DNAH11: variants seen among roughly 807,000 people sequenced by gnomAD.
The protein encoded by DNAH11 is axonemal beta dynein heavy chain 11.
Under a neutral mutation model 526.0 loss-of-function variants are expected in DNAH11, and 442 were observed. The ratio of observed to expected loss-of-function variants is 0.84; its 90% CI spans 0.78 to 0.91. The LOEUF is 0.91. DNAH11 is among the 40% of genes least tolerant of loss of function. DNAH11 has a pLI of 0.00. For missense variants in DNAH11, 6,989 were observed against 5,448.7 expected (o/e 1.28, Z -8.90); for synonymous variants, 2,461 against 1,935.9 (o/e 1.27, Z -7.12).
intron 65 of DNAH11, among the ~76,000 whole-genome samples, chr7:21,838,608 G>A (rs962213558): frequency 3.3e-5 from 5 of 152,126 alleles, no homozygotes; most frequent in Admixed American, 6.5e-5. Flanking sequence ...GGTTTCATTT[G>A]TGTCGTAGCA....
chr7:21,789,200 A>G (rs1003205028), intron 60 of DNAH11, 41 bp from the exon 61 acceptor site: 3 of 1,380,064 alleles, frequency 2.2e-6, no homozygotes, highest in Non-Finnish European at 3.0e-6. Context: ...TTGAATGATT[A>G]CTTATCCTCT....
In DNAH11 at chr7:21,807,996, C is replaced by T; in HGVS notation, c.10279C>T (p.Gln3427Ter). The stretch of plus-strand genomic sequence containing the variant: ...GTCTTACGTCGGACCCTTCACAAGG[C>T]AGTATCGCCAGGAGCTGGTGCACTG... ...FVSYVGPFTRQYRQELVHCKW... is the reference protein window; with the variant it reads ...FVSYVGPFTR Residue 3427 changes from glutamine (Q) to a stop codon, truncating the protein, a stop_gained, in exon 63 of 82, where the codon CAG becomes TAG. Coordinates refer to ENST00000409508, the MANE Select transcript of DNAH11 (RefSeq NM_001277115.2). LOFTEE classifies it high-confidence loss of function. The T allele has an allele frequency of 6.3e-7, 1 of 1,589,458 alleles. No individual in the cohort carries two copies. Among genetic ancestry groups the T allele is most frequent in the Non-Finnish European group, 8.6e-7 (1 of 1,163,730 alleles).
At chr7:21,663,401 A>T (rs924859981) in intron 30 of DNAH11, among the ~76,000 whole-genome samples, 6 of 152,090 alleles carry the variant, frequency 3.9e-5, no homozygotes, top group African/African-American at 1.4e-4. Flanking sequence ...AAATCTCCAT[A>T]CTGTTTTCCA....
At chr7:21,841,748 T>A (rs1247960570) in intron 65 of DNAH11, among the ~76,000 whole-genome samples, 1 of 152,010 alleles carries the variant, frequency 6.6e-6, no homozygotes, top group Non-Finnish European at 1.5e-5. Context: ...AATGAATGAG[T>A]GAATACAAAC....
intron 81 of DNAH11, 26 bp from the exon 82 acceptor site, chr7:21,900,981 T>C (rs376080177): frequency 8.7e-5 from 135 of 1,547,640 alleles, no homozygotes; most frequent in Non-Finnish European, 1.2e-4. Context: ...TGCCACACAA[T>C]TGCAACCGCT....
In DNAH11 at chr7:21,600,729, C is replaced by T; in HGVS notation, c.3054C>T (p.Asn1018=). ...GLAEVRQEIM[N]RVVNVINKVL... ...CAGAGGTCAGGCAGGAGATCATGAA[C>T]AGAGTGGTGAATGTCATCAACAAAG... Residue 1018 remains asparagine, a synonymous_variant, in exon 16 of 82, where the codon AAC becomes AAT. Transcript: ENST00000409508. 1 of 1,613,780 alleles carries T rather than the reference C, an allele frequency of 6.2e-7. No homozygotes were observed. Among genetic ancestry groups the T allele is most frequent in the East Asian group, 2.2e-5 (1 of 44,872 alleles).
At position 21,569,830 on chromosome 7, in the gene DNAH11, T is replaced by C. The variant is rs77949708; in HGVS notation, c.1195-239T>C. Among the ~76,000 whole-genome samples the C allele has an allele frequency of 5.6e-3, 855 of 152,318 alleles. 17 individuals carry two copies. Among genetic ancestry groups the C allele is most frequent in the African/African-American group, 0.019 (809 of 41,566 alleles). Reference sequence around the variant, plus strand: ...ATGAGGCTTAGCAACAATTTAGTCATTTGCTAGAATGTAAAAATCCAGAAA... The same window carrying C: ...ATGAGGCTTAGCAACAATTTAGTCACTTGCTAGAATGTAAAAATCCAGAAA... On this transcript the variant is annotated intron_variant, in intron 6 of 81. Transcript: ENST00000409508.
chr7:21,595,684 G>T (rs765772301), intron 14 of DNAH11, among the ~76,000 whole-genome samples: 3 of 152,150 alleles, frequency 2.0e-5, no homozygotes, highest in Non-Finnish European at 4.4e-5. Context: ...AAGAGGAGTT[G>T]AGTGGGCTAT....
chr7:21,823,892 T>G (rs573738045), intron 65 of DNAH11, among the ~76,000 whole-genome samples: 9 of 152,330 alleles, frequency 5.9e-5, no homozygotes, highest in African/African-American at 1.9e-4. Context: ...GATGGTTTCC[T>G]TCTTCAGGGT....
chr7:21,754,453 T>C (rs1294512103), intron 54 of DNAH11, among the ~76,000 whole-genome samples: 1 of 152,218 alleles, frequency 6.6e-6, no homozygotes, highest in Non-Finnish European at 1.5e-5. Context: ...TTACTGAAAC[T>C]GAGATCAGTT....
intron 42 of DNAH11, among the ~76,000 whole-genome samples, chr7:21,713,498 G>C (rs78773180): frequency 1.3e-5 from 2 of 152,096 alleles, no homozygotes; most frequent in Non-Finnish European, 2.9e-5. Context: ...TTTCCTTCCA[G>C]GTTCTGGCAG....
chr7:21,740,447 A>T (rs192678712), intron 48 of DNAH11, among the ~76,000 whole-genome samples: 99 of 152,232 alleles, frequency 6.5e-4, no homozygotes, highest in African/African-American at 2.3e-3. Flanking sequence ...TGACTATTTT[A>T]AGTACCTCAT....
At chr7:21,622,671 A>G (rs1786129826) in intron 25 of DNAH11, among the ~76,000 whole-genome samples, 1 of 152,180 alleles carries the variant, frequency 6.6e-6, no homozygotes, top group Non-Finnish European at 1.5e-5. Flanking sequence ...CCACATATCT[A>G]CAACTATCTG....
chr7:21,589,497 A>T, intron 12 of DNAH11, 94 bp downstream of exon 12: 1 of 1,099,992 alleles, frequency 9.1e-7, no homozygotes, highest in Non-Finnish European at 1.3e-6. Context: ...TACATTTGGG[A>T]AAATGTCAGA....
intron 30 of DNAH11, among the ~76,000 whole-genome samples, chr7:21,680,113 T>C (rs2919225): frequency 0.092 from 14,062 of 152,256 alleles, 1,125 homozygotes; most frequent in African/African-American, 0.21. Flanking sequence ...TCCCTTCTTA[T>C]TCCAGCTGTA....
At chr7:21,767,479 A>ACTTG (rs1787231051) in intron 55 of DNAH11, among the ~76,000 whole-genome samples, 1 of 152,148 alleles carries the variant, frequency 6.6e-6, no homozygotes, top group Non-Finnish European at 1.5e-5. Flanking sequence ...ATGAGGCAGG[A>ACTTG]CTTGCATCGT....
chr7:21,622,397 AAGTAATTTATAG>A (rs1562708061), intron 25 of DNAH11, among the ~76,000 whole-genome samples: 1 of 152,208 alleles, frequency 6.6e-6, no homozygotes, highest in Non-Finnish European at 1.5e-5. Context: ...ATACTGCCCA[AAGTAATTTATAG>A]ATTCAATGCC....
At chr7:21,591,125 AAGAC>A in intron 13 of DNAH11, 56 bp from the exon 14 acceptor site, 2 of 1,520,944 alleles carry the variant, frequency 1.3e-6, no homozygotes, top group Admixed American at 2.3e-5. Context: ...TTACACCTTT[AAGAC>A]AGAGAAAATA....
rs1011752998 is a variant in DNAH11 at position 21,774,090 on chromosome 7, A to G, written c.9336+91A>G. ...TTGAAGCACTACTAAATCCATTTCTATAAGATGCCAGCTGGTGAAATTTAC... is the reference window on the plus strand; with the variant it reads ...TTGAAGCACTACTAAATCCATTTCTGTAAGATGCCAGCTGGTGAAATTTAC... On this transcript the variant is annotated intron_variant, in intron 56 of 81. Transcript: ENST00000409508. 106 of 1,158,352 alleles carry G rather than the reference A, an allele frequency of 9.2e-5. No homozygotes were observed. The South Asian group carries it at 1.2e-3, about 14-fold the overall frequency. The allele number at this position is 1,158,352 out of a possible 1,614,324, so 71.8% of individuals were successfully genotyped here.
Sources: allele counts gnomAD v4.1 joint callset (sites outside exome capture counted in the v4.1 genomes callset), GRCh38; gene constraint gnomAD v4.1.1; transcripts MANE v1.5; gene names NCBI Gene and HGNC (gene_info 2026-07-23, HGNC 2026-07-21).